RNF19B: variants seen among roughly 807,000 people sequenced by gnomAD.
RNF19B encodes the protein ring finger protein 19B, also known as E3 ubiquitin-protein ligase RNF19B.
A neutral mutation model predicts 65.5 loss-of-function variants in RNF19B; 23 were observed. That is an observed-to-expected ratio of 0.35 (90% CI 0.25 to 0.50). RNF19B has a LOEUF of 0.50. Among genes scored for constraint, RNF19B ranks in the 20% least tolerant of loss-of-function variants. The pLI is 0.98. For synonymous variants in RNF19B, 372 were observed against 379.6 expected, an observed-to-expected ratio of 0.98 and a Z score of 0.23; for missense variants, 794 against 980.0, an observed-to-expected ratio of 0.81 and a Z score of 2.53.
intron 1 of RNF19B, among the ~76,000 whole-genome samples, chr1:32,960,834 AAATAATAATAAT>A (rs565761687): frequency 7.8e-4 from 119 of 151,934 alleles, no homozygotes; most frequent in African/African-American, 2.8e-3. Context: ...CTATCTCTAC[AAATAATAATAAT>A]AATATTAATA....
chr1:32,954,404 C>G (rs560265769), intron 1 of RNF19B, among the ~76,000 whole-genome samples: 1 of 151,850 alleles, frequency 6.6e-6, no homozygotes, highest in African/African-American at 2.4e-5. Flanking sequence ...CTGGTCTGAG[C>G]TCTTGCCTCT....
At chr1:32,949,523 C>A in intron 2 of RNF19B, 46 bp downstream of exon 2, 1 of 1,549,994 alleles carries the variant, frequency 6.5e-7, no homozygotes. Flanking sequence ...GGGCTCACAT[C>A]ATGAAATACC....
At chr1:32,935,241 G>A (rs151143198), downstream of RNF19B, among the ~76,000 whole-genome samples, 24 of 152,100 alleles carry the variant, frequency 1.6e-4, no homozygotes, top group East Asian at 3.7e-3. Flanking sequence ...AGGTTCAAGC[G>A]ATTCTCCTGC....
chr1:32,952,362 G>C (rs1318326473), intron 1 of RNF19B, among the ~76,000 whole-genome samples: 1 of 149,720 alleles, frequency 6.7e-6, no homozygotes, highest in Non-Finnish European at 1.5e-5. Flanking sequence ...GGGAGGCTGA[G>C]GCAGGAAGAT....
At chr1:32,953,168 C>T (rs1642551491) in intron 1 of RNF19B, among the ~76,000 whole-genome samples, 2 of 151,168 alleles carry the variant, frequency 1.3e-5, no homozygotes, top group African/African-American at 4.9e-5. Flanking sequence ...CAGGGTTGGT[C>T]TTGCTATGTT....
At chr1:32,938,140 CAAAAAAAA>C (rs80176999) in intron 8 of RNF19B, among the ~76,000 whole-genome samples, 1 of 46,044 alleles carries the variant, frequency 2.2e-5, no homozygotes, top group Non-Finnish European at 4.0e-5. Flanking sequence ...CCAAGAAAGA[CAAAAAAAA>C]AAAAAAAAAA....
In RNF19B at chr1:32,944,199, T is replaced by C. The variant is rs183447677; in HGVS notation, c.1262-40A>G. The C allele has an allele frequency of 5.4e-5, 85 of 1,575,918 alleles. No individual in the cohort carries two copies. The East Asian group carries it at 1.4e-3, about 27-fold the overall frequency. On this transcript the variant is annotated intron_variant, in intron 5 of 8. Transcript: ENST00000235150. ...GGAAACATGTCAGCTGGCTATTAGG[T>C]TGCAAGTGCCCTGAATTCTTCTTCC...
chr1:32,960,304 T>C (rs1284835967), intron 1 of RNF19B, among the ~76,000 whole-genome samples: 1 of 152,016 alleles, frequency 6.6e-6, no homozygotes, highest in Non-Finnish European at 1.5e-5. Context: ...CAAATGCACA[T>C]ACAAACAAGG....
At chr1:32,952,932 A>C (rs1483560712) in intron 1 of RNF19B, among the ~76,000 whole-genome samples, 2 of 151,278 alleles carry the variant, frequency 1.3e-5, no homozygotes, top group Non-Finnish European at 2.9e-5. Context: ...ATAAATAAAT[A>C]AATGGAAAGT....
chr1:32,935,892 C>T (rs547434897), downstream of RNF19B, among the ~76,000 whole-genome samples: 13 of 152,216 alleles, frequency 8.5e-5, no homozygotes, highest in Non-Finnish European at 1.2e-4. Flanking sequence ...GGATTACAGG[C>T]GTGCGCAACT....
intron 1 of RNF19B, among the ~76,000 whole-genome samples, chr1:32,954,088 T>C (rs1339802786): frequency 6.6e-6 from 1 of 151,390 alleles, no homozygotes; most frequent in Non-Finnish European, 1.5e-5. Flanking sequence ...TTTTTGTATT[T>C]TTAGTAGAGA....
intron 7 of RNF19B, 113 bp downstream of exon 7, chr1:32,942,139 C>T: frequency 2.3e-6 from 2 of 870,122 alleles, no homozygotes; most frequent in Non-Finnish European, 3.6e-6. Flanking sequence ...AAACCATTGA[C>T]AATTAAATCA....
At chr1:32,957,133 C>A (rs1039241045) in intron 1 of RNF19B, among the ~76,000 whole-genome samples, 7 of 152,200 alleles carry the variant, frequency 4.6e-5, no homozygotes, top group Non-Finnish European at 7.3e-5. Context: ...ATGGCTTACA[C>A]AGGCCTATCA....
chr1:32,931,254 A>T, the RNF19B span, among the ~76,000 whole-genome samples: 6 of 152,154 alleles, frequency 3.9e-5, no homozygotes, highest in African/African-American at 1.4e-4. Flanking sequence ...GTTTCTGCTG[A>T]TACAAATTAG....
chr1:32,960,618 G>C (rs1326515239), intron 1 of RNF19B, among the ~76,000 whole-genome samples: 1 of 151,948 alleles, frequency 6.6e-6, no homozygotes, highest in Non-Finnish European at 1.5e-5. Context: ...CCTGGGCACA[G>C]AGTGAGACTC....
intron 7 of RNF19B, 61 bp downstream of exon 7, chr1:32,942,191 G>A: frequency 7.5e-7 from 1 of 1,335,130 alleles, no homozygotes; most frequent in South Asian, 1.3e-5. Context: ...CAGAGAAATG[G>A]CTCAATGTGT....
intron 3 of RNF19B, among the ~76,000 whole-genome samples, chr1:32,946,953 T>C (rs774917780): frequency 2.6e-5 from 4 of 152,200 alleles, no homozygotes; most frequent in Non-Finnish European, 5.9e-5. Context: ...CTGATTTGTG[T>C]AGTTTTCTTG....
intron 1 of RNF19B, among the ~76,000 whole-genome samples, chr1:32,954,581 A>G (rs1262175848): frequency 1.3e-5 from 2 of 151,866 alleles, no homozygotes; most frequent in Admixed American, 1.3e-4. Flanking sequence ...TCAACTAAAA[A>G]TACAAAAATT....
At chr1:32,959,169 T>C (rs1447236405) in intron 1 of RNF19B, among the ~76,000 whole-genome samples, 1 of 152,148 alleles carries the variant, frequency 6.6e-6, no homozygotes. Flanking sequence ...GGAAGGCCAA[T>C]AGCTGATACT....
Sources: allele counts gnomAD v4.1 joint callset (sites outside exome capture counted in the v4.1 genomes callset), GRCh38; gene constraint gnomAD v4.1.1; transcripts MANE v1.5; gene names NCBI Gene and HGNC (gene_info 2026-07-23, HGNC 2026-07-21).